The following FERMT1 variants were observed in gnomAD, a reference collection of about 807,000 sequenced individuals.
FERMT1 encodes FERM domain containing kindlin 1, also known as fermitin family homolog 1.
In FERMT1, 60 loss-of-function variants were observed where a neutral mutation model predicts 85.3. That is an observed-to-expected ratio of 0.70 (90% CI 0.57 to 0.87). The LOEUF (loss-of-function observed/expected upper bound fraction) is 0.87, where lower values mean the gene tolerates loss of function less well. FERMT1 is among the 40% of genes least tolerant of loss of function. FERMT1 has a pLI of 0.00. For synonymous variants in FERMT1, 275 were observed against 301.1 expected, an observed-to-expected ratio of 0.91 and a Z score of 0.90; for missense variants, 701 against 818.9, an observed-to-expected ratio of 0.86 and a Z score of 1.76.
chr20:6,109,036 A>G (rs56359118), intron 5 of FERMT1, among the ~76,000 whole-genome samples: 13,524 of 152,232 alleles, frequency 0.089, 761 homozygotes, highest in Middle Eastern at 0.2. Flanking sequence ...ATTTTAATTA[A>G]TTTAAAATCC....
rs190093640 is a variant in FERMT1 at position 6,114,541 on chromosome 20, C to A, written c.385+1270G>T. Among the ~76,000 whole-genome samples, 8 of 152,304 alleles carry A rather than the reference C, an allele frequency of 5.3e-5. No individual in the cohort carries two copies. In the East Asian group the frequency reaches 1.5e-3, roughly 29 times the overall value. Reference sequence around the variant, plus strand: ...TATGCAATATACTATTTTATGTAATCATTTACTTTGCTTTCAAATCCTCAT... The same window carrying A: ...TATGCAATATACTATTTTATGTAATAATTTACTTTGCTTTCAAATCCTCAT... On this transcript the variant is annotated intron_variant, in intron 3 of 14. Transcript: ENST00000217289.
Position 6,079,437 on chromosome 20 carries a change from T to G in FERMT1, c.1859A>C (p.Gln620Pro). The change falls in exon 14 of 15, where the codon CAG becomes CCG. Residue 620 changes from glutamine (Q) to proline (P), a missense_variant and splice_region_variant. Gln to Pro is a moderately conservative substitution (Grantham distance 76). Coordinates refer to ENST00000217289, the MANE Select transcript of FERMT1 (RefSeq NM_017671.5). ...KQWNVNWETR[Q>P]VVIEFDQNVF... ...GAAGAGCAAAAACTTTCACTTTACCTGCCGGGTTTCCCAGTTTACATTCCA... is the reference window on the plus strand; with the variant it reads ...GAAGAGCAAAAACTTTCACTTTACCGGCCGGGTTTCCCAGTTTACATTCCA... 1.2e-6 allele frequency: 2 copies of G among 1,614,162 alleles called. No homozygotes were observed. The highest frequency in any genetic ancestry group is 1.3e-5 in the African/African-American group (1 of 75,046).
chr20:6,101,528 A>G (rs1479325468), intron 6 of FERMT1, among the ~76,000 whole-genome samples: 1 of 152,276 alleles, frequency 6.6e-6, no homozygotes, highest in Non-Finnish European at 1.5e-5. Flanking sequence ...GTTTGTAAAC[A>G]TGTCTAAACA....
chr20:6,116,081 A>C (rs745907440), intron 2 of FERMT1, 37 bp from the exon 3 acceptor site: 14 of 1,483,644 alleles, frequency 9.4e-6, no homozygotes, highest in Non-Finnish European at 1.1e-5. Context: ...AAAATGAGAG[A>C]GGGCCCAGCT....
At chr20:6,119,637 T>C in intron 1 of FERMT1, 65 bp from the exon 2 acceptor site, 1 of 1,393,470 alleles carries the variant, frequency 7.2e-7, no homozygotes, top group Non-Finnish European at 9.9e-7. Context: ...TCAGTAGACT[T>C]GCAGAGCAAA....
chr20:6,097,983 G>A (rs2123120234), intron 6 of FERMT1, among the ~76,000 whole-genome samples: 1 of 151,876 alleles, frequency 6.6e-6, no homozygotes, highest in African/African-American at 2.4e-5. Flanking sequence ...CCTGGCTAAT[G>A]TTTGTGTTTT....
chr20:6,100,279 AC>A (rs1982627617), intron 6 of FERMT1, among the ~76,000 whole-genome samples: 2 of 152,256 alleles, frequency 1.3e-5, no homozygotes, highest in Admixed American at 1.3e-4. Flanking sequence ...AAAATATGAT[AC>A]ATGCTACAAT....
At position 6,107,541 on chromosome 20, in the gene FERMT1, C is replaced by T; in HGVS notation, c.840G>A (p.Leu280=). The change falls in exon 6 of 15, where the codon TTG becomes TTA. Residue 280 remains leucine (L), a synonymous_variant. Transcript: ENST00000217289. ...LRFKYYSFFD[L]NPKYDAVRIN... ...AGAAAAAGTTGCTTACTTTAGGATT[C>T]AAGTCGAAGAAAGAATAATATTTAA... 6.2e-7 allele frequency: 1 copy of T among 1,605,452 alleles called. No individual in the cohort carries two copies. The highest frequency in any genetic ancestry group is 8.5e-7 in the Non-Finnish European group (1 of 1,172,864).
At chr20:6,120,173 AAAAG>A (rs1216316523) in intron 1 of FERMT1, among the ~76,000 whole-genome samples, 2 of 152,172 alleles carry the variant, frequency 1.3e-5, no homozygotes, top group African/African-American at 4.8e-5. Context: ...AAAAATAAAA[AAAAG>A]CAAAATAATT....
At chr20:6,119,694 C>T (rs1983214224) in intron 1 of FERMT1, 122 bp from the exon 2 acceptor site, 3 of 764,082 alleles carry the variant, frequency 3.9e-6, no homozygotes, top group South Asian at 3.5e-5. Context: ...CTTCAAAACA[C>T]TCTGCAAGGT....
intron 13 of FERMT1, among the ~76,000 whole-genome samples, chr20:6,081,144 G>A (rs1411871435): frequency 1.3e-5 from 2 of 151,982 alleles, no homozygotes; most frequent in African/African-American, 4.8e-5. Flanking sequence ...AGCTAGGTGT[G>A]GTGGCTCACA....
intron 13 of FERMT1, among the ~76,000 whole-genome samples, chr20:6,080,774 G>T (rs1442861733): frequency 6.6e-6 from 1 of 152,204 alleles, no homozygotes; most frequent in Non-Finnish European, 1.5e-5. Context: ...GAAGAAGTAT[G>T]TAGCGGGGAG....
At chr20:6,079,931 G>A (rs758263308) in intron 13 of FERMT1, among the ~76,000 whole-genome samples, 4 of 152,184 alleles carry the variant, frequency 2.6e-5, no homozygotes, top group Non-Finnish European at 4.4e-5. Flanking sequence ...CTGACTGTGG[G>A]AGGGAGAAGA....
chr20:6,115,802 G>A lies in FERMT1; in HGVS notation c.385+9C>T. 5 of 1,597,530 alleles carry A rather than the reference G, an allele frequency of 3.1e-6. No homozygotes were observed. The highest frequency in any genetic ancestry group is 3.4e-6 in the Non-Finnish European group (4 of 1,164,910). On this transcript the variant is annotated intron_variant, in intron 3 of 14. Transcript: ENST00000217289. The stretch of plus-strand genomic sequence containing the variant: ...CTACAGGGCACAGGGGCCTTTCCTG[G>A]GTACTTACTCAGGATTTTGCAGATA...
At chr20:6,087,582 A>G (rs1982220698) in intron 11 of FERMT1, 195 bp downstream of exon 11, 1 of 594,534 alleles carries the variant, frequency 1.7e-6, no homozygotes, top group Non-Finnish European at 3.1e-6. Flanking sequence ...AAGTGCTGGG[A>G]TTACAGGTGT....
At position 6,107,496 on chromosome 20, in the gene FERMT1, TAAAAAG is replaced by T. The variant is rs755541334; in HGVS notation, c.849+30_849+35del. On this transcript the variant is annotated intron_variant, in intron 6 of 14. Transcript: ENST00000217289. The stretch of plus-strand genomic sequence containing the variant: ...ATTTTATCCTTTCATGCATTCATAT[TAAAAAG>T]AGAAAGACAAAAGAGAAAAAGTTGC... The T allele has an allele frequency of 5.7e-5, 75 of 1,306,066 alleles. No homozygotes were observed. In the African/African-American group the frequency reaches 9.0e-4, roughly 16 times the overall value. The allele number at this position is 1,306,066 out of a possible 1,614,324, so 80.9% of individuals were successfully genotyped here.
chr20:6,091,291 G>A (rs1475266793), intron 9 of FERMT1, among the ~76,000 whole-genome samples: 14 of 151,840 alleles, frequency 9.2e-5, no homozygotes, highest in South Asian at 4.2e-4. Flanking sequence ...GTGCAGTGGC[G>A]CAATCTTGTC....
At chr20:6,112,915 C>T (rs1161331133) in intron 3 of FERMT1, among the ~76,000 whole-genome samples, 1 of 152,022 alleles carries the variant, frequency 6.6e-6, no homozygotes, top group Non-Finnish European at 1.5e-5. Flanking sequence ...GTATAATGTC[C>T]CCTTCATGGG....
At chr20:6,096,639 T>C (rs929594702) in intron 8 of FERMT1, among the ~76,000 whole-genome samples, 1 of 152,168 alleles carries the variant, frequency 6.6e-6, no homozygotes, top group African/African-American at 2.4e-5. Flanking sequence ...CAGCAGTGGC[T>C]CCTTCACACC....
Sources: gnomAD v4.1 joint callset for allele counts (sites outside exome capture counted in the v4.1 genomes callset) on GRCh38, gnomAD v4.1.1 for gene constraint, MANE v1.5 for transcripts, NCBI Gene and HGNC (gene_info 2026-07-23, HGNC 2026-07-21) for gene names.